The following TNRC6B variants were observed in gnomAD, a reference collection of about 807,000 sequenced individuals.
The protein encoded by TNRC6B is trinucleotide repeat-containing gene 6B protein.
TNRC6B carries 52 observed loss-of-function variants against 203.6 expected under a neutral mutation model. That is an observed-to-expected ratio of 0.26 (90% CI 0.20 to 0.32). The LOEUF is 0.32. Ranked by LOEUF, TNRC6B falls within the 10% of genes least tolerant of loss-of-function variation. The probability of loss-of-function intolerance (pLI) is 1.00; values close to 1 mark genes in which losing one functional copy is unlikely to be tolerated. For missense variants in TNRC6B, 1,923 were observed against 2,286.2 expected (o/e 0.84, Z 3.24); for synonymous variants, 838 against 845.7 (o/e 0.99, Z 0.16).
intron 4 of TNRC6B, among the ~76,000 whole-genome samples, chr22:40,156,923 C>T (rs1056939332): frequency 1.1e-4 from 16 of 151,268 alleles, no homozygotes; most frequent in Admixed American, 6.6e-5. Flanking sequence ...TACAGTTGCC[C>T]GCCACCACAC....
At chr22:40,300,750 T>C (rs1186527343) in intron 13 of TNRC6B, 160 bp from the exon 14 acceptor site, 6 of 1,220,556 alleles carry the variant, frequency 4.9e-6, no homozygotes. Flanking sequence ...TCAGCTCAAC[T>C]GGAGGAAAAT....
At chr22:40,195,621 G>C (rs1240944499) in intron 1 of TNRC6B, among the ~76,000 whole-genome samples, 2 of 152,036 alleles carry the variant, frequency 1.3e-5, no homozygotes, top group Non-Finnish European at 2.9e-5. Flanking sequence ...CACCACACCT[G>C]GCTAAATTTT....
At chr22:40,277,919 G>A (rs557390421) in intron 8 of TNRC6B, 80 bp from the exon 9 acceptor site, 48 of 1,055,356 alleles carry the variant, frequency 4.5e-5, no homozygotes, top group African/African-American at 4.0e-4. Flanking sequence ...GTAAGACGTG[G>A]CTCTCAGGTG....
Position 40,270,109 on chromosome 22 carries a change from C to T in TNRC6B, c.2807-13C>T, listed in dbSNP as rs767565684. The T allele has an allele frequency of 1.3e-6, 2 of 1,575,350 alleles. No individual in the cohort carries two copies. The highest frequency in any genetic ancestry group is 3.7e-5 in the Admixed American group (2 of 53,956). Reference sequence around the variant, plus strand: ...TAACAAATGATTCTTAGAGACATTTCCTTTCTTTATAGTCTGGAGCAAAAG... The same window carrying T: ...TAACAAATGATTCTTAGAGACATTTTCTTTCTTTATAGTCTGGAGCAAAAG... On this transcript the variant is annotated splice_polypyrimidine_tract_variant and intron_variant, in intron 5 of 22. Transcript: ENST00000454349.
At chr22:40,291,781 G>T (rs2070872379) in intron 12 of TNRC6B, among the ~76,000 whole-genome samples, 1 of 152,142 alleles carries the variant, frequency 6.6e-6, no homozygotes, top group Non-Finnish European at 1.5e-5. Context: ...AAATTTAGTT[G>T]CCCAAAATGA....
rs1396083328 is a variant in TNRC6B at position 40,273,372 on chromosome 22, G to T, written c.2966-53G>T. The T allele has an allele frequency of 5.5e-6, 8 of 1,455,840 alleles. No homozygotes were observed. In the African/African-American group the frequency reaches 8.5e-5, roughly 15 times the overall value. The allele number at this position is 1,455,840 out of a possible 1,614,324, so 90.2% of individuals were successfully genotyped here. On this transcript the variant is annotated intron_variant, in intron 6 of 22. Transcript: ENST00000454349. ...TGCATCTGCAAGGAATTATTATTCT[G>T]ATGATTGTTTTATATAGCTGTTGCA...
At chr22:40,178,760 C>A (rs1601861953) in intron 1 of TNRC6B, among the ~76,000 whole-genome samples, 2 of 152,058 alleles carry the variant, frequency 1.3e-5, no homozygotes, top group Non-Finnish European at 2.9e-5. Context: ...TGTGGCTCAC[C>A]CCTCTCCTTT....
intron 6 of TNRC6B, among the ~76,000 whole-genome samples, chr22:40,271,973 T>G (rs979796881): frequency 1.3e-4 from 12 of 91,880 alleles, no homozygotes; most frequent in African/African-American, 4.1e-4. Context: ...TAAGAAACAT[T>G]TGTTAGAAGT....
chr22:40,143,747 T>C lies in TNRC6B; in HGVS notation c.46-12368T>C, dbSNP rs367857148. 1.6e-3 allele frequency among the ~76,000 whole-genome samples: 237 copies of C among 152,298 alleles called. No homozygotes were observed. The East Asian group carries it at 0.016, about 11-fold the overall frequency. On this transcript the variant is annotated intron_variant, in intron 3 of 23. Coordinates refer to the TNRC6B transcript ENST00000301923. ...TCCTGACCTCGTGATCCGCCCGCCTTGGCCACCCAAAGTGTTGGGATTACA... is the reference window on the plus strand; with the variant it reads ...TCCTGACCTCGTGATCCGCCCGCCTCGGCCACCCAAAGTGTTGGGATTACA...
chr22:40,189,210 A>C lies in TNRC6B; in HGVS notation c.5+11070A>C, dbSNP rs112981342. ...CAAACCGAATTGGCCATCCATACTG[A>C]GAAGTGGCTATTGATATATTTATAT... is the stretch of plus-strand genomic sequence containing the variant. On this transcript the variant is annotated intron_variant, in intron 1 of 22. Transcript: ENST00000454349. 2.0e-4 allele frequency among the ~76,000 whole-genome samples: 30 copies of C among 152,304 alleles called. 1 individual carries two copies. Among genetic ancestry groups the C allele is most frequent in the African/African-American group, 7.2e-4 (30 of 41,568 alleles).
chr22:40,080,526 GAT>G (rs1300742605), intron 1 of TNRC6B, among the ~76,000 whole-genome samples: 2 of 152,046 alleles, frequency 1.3e-5, no homozygotes, highest in Non-Finnish European at 2.9e-5. Context: ...CTTATGATAA[GAT>G]ACAGTGACAT....
At chr22:40,280,509 A>G (rs1156802760) in intron 10 of TNRC6B, among the ~76,000 whole-genome samples, 1 of 152,166 alleles carries the variant, frequency 6.6e-6, no homozygotes, top group Non-Finnish European at 1.5e-5. Flanking sequence ...GCCTTCTTCT[A>G]GTTTTGAGAT....
At chr22:40,124,578 A>T (rs1263976714) in intron 2 of TNRC6B, among the ~76,000 whole-genome samples, 1 of 151,914 alleles carries the variant, frequency 6.6e-6, no homozygotes, top group Non-Finnish European at 1.5e-5. Flanking sequence ...CAGCCTCCCA[A>T]ATTGCTGGGA....
chr22:40,048,203 T>C (rs1483307201), intron 1 of TNRC6B, among the ~76,000 whole-genome samples: 1 of 152,178 alleles, frequency 6.6e-6, no homozygotes, highest in African/African-American at 2.4e-5. Context: ...TTTAAACTTT[T>C]GCAGCCAGAT....
intron 1 of TNRC6B, among the ~76,000 whole-genome samples, chr22:40,186,388 C>G (rs1008241121): frequency 1.3e-5 from 2 of 151,966 alleles, no homozygotes; most frequent in Non-Finnish European, 2.9e-5. Context: ...CAGCACCGCC[C>G]AGTAGGAACA....
At chr22:40,258,071 CTTTTTTTTTTTTTTTTTT>C (rs56078653) in intron 3 of TNRC6B, among the ~76,000 whole-genome samples, 2 of 28,700 alleles carry the variant, frequency 7.0e-5, no homozygotes, top group Non-Finnish European at 1.3e-4. Context: ...GATACACAGC[CTTTTTTTTTTTTTTTTTT>C]TTTTTTTTTT....
At chr22:40,179,393 T>C (rs2069105295) in intron 1 of TNRC6B, among the ~76,000 whole-genome samples, 1 of 152,070 alleles carries the variant, frequency 6.6e-6, no homozygotes, top group Non-Finnish European at 1.5e-5. Flanking sequence ...CTGAGAGGCC[T>C]TGTTTTCTTT....
At position 40,266,491 on chromosome 22, in the gene TNRC6B, A is replaced by T; in HGVS notation, c.2261A>T (p.Asp754Val). 6.2e-7 allele frequency: 1 copy of T among 1,613,790 alleles called. No homozygotes were observed. ...SGKNGWGEEV[D>V]QTKNSNWESS... ...AAGAATGGTTGGGGGGAGGAAGTCG[A>T]TCAGACAAAAAACAGCAATTGGGAA... The change falls in exon 5 of 23, where the codon GAT becomes GTT. Residue 754 changes from aspartate to valine, a missense_variant. Transcript: ENST00000454349.
intron 15 of TNRC6B, among the ~76,000 whole-genome samples, chr22:40,307,863 T>TA (rs2071111039): frequency 2.0e-5 from 3 of 152,262 alleles, no homozygotes; most frequent in South Asian, 4.1e-4. Context: ...ACTATCTTCT[T>TA]ATCCTAGAGA....
Sources: allele counts gnomAD v4.1 joint callset (sites outside exome capture counted in the v4.1 genomes callset), GRCh38; gene constraint gnomAD v4.1.1; transcripts MANE v1.5; gene names NCBI Gene and HGNC (gene_info 2026-07-23, HGNC 2026-07-21).